MEIS2: variants seen among roughly 807,000 people sequenced by gnomAD.
MEIS2 encodes the protein Meis homeobox 2.
MEIS2 carries 9 observed loss-of-function variants against 58.6 expected under a neutral mutation model. The ratio of observed to expected loss-of-function variants is 0.15; its 90% confidence interval spans 0.09 to 0.27. MEIS2 has a LOEUF of 0.27. Ranked by LOEUF, MEIS2 falls within the 10% of genes least tolerant of loss-of-function variation. MEIS2 has a pLI of 1.00. For missense variants in MEIS2, 427 were observed against 635.0 expected (o/e 0.67, Z 3.52); for synonymous variants, 221 against 228.4 (o/e 0.97, Z 0.29).
At position 37,099,327 on chromosome 15, in the gene MEIS2, T is replaced by G. The variant is rs571679232; in HGVS notation, c.12+128A>C. 53 of 1,559,410 alleles carry G rather than the reference T, an allele frequency of 3.4e-5. No homozygotes were observed. The South Asian group carries it at 4.5e-4, about 13-fold the overall frequency. On this transcript the variant is annotated intron_variant, in intron 1 of 11. Coordinates refer to ENST00000561208, the MANE Select transcript of MEIS2 (RefSeq NM_170675.5). ...AGCCGATGAATAATTTTGCTATTTTTTAAAATACTGGCCGCCATCATCAAG... is the reference window on the plus strand; with the variant it reads ...AGCCGATGAATAATTTTGCTATTTTGTAAAATACTGGCCGCCATCATCAAG...
At chr15:37,047,176 A>G (rs1389819320) in intron 7 of MEIS2, among the ~76,000 whole-genome samples, 1 of 152,174 alleles carries the variant, frequency 6.6e-6, no homozygotes, top group East Asian at 1.9e-4. Context: ...GATCTCTCAA[A>G]TGCCCTTTTC....
chr15:36,981,491 T>C (rs114849254), intron 8 of MEIS2, among the ~76,000 whole-genome samples: 1,733 of 152,252 alleles, frequency 0.011, 31 homozygotes, highest in African/African-American at 0.039. Context: ...AGCTCCTTAT[T>C]TATAGGGAGA....
At chr15:37,040,737 C>T (rs189077503) in intron 7 of MEIS2, among the ~76,000 whole-genome samples, 1 of 152,190 alleles carries the variant, frequency 6.6e-6, no homozygotes, top group East Asian at 1.9e-4. Flanking sequence ...TTGTGTGTGA[C>T]CATGGAAAGG....
intron 8 of MEIS2, among the ~76,000 whole-genome samples, chr15:36,956,290 A>C (rs756220609): frequency 4.6e-5 from 7 of 152,190 alleles, no homozygotes; most frequent in Non-Finnish European, 1.0e-4. Flanking sequence ...CAAGGCTTAA[A>C]TAATCTACAT....
chr15:37,089,677 A>T (rs193242953), intron 6 of MEIS2, among the ~76,000 whole-genome samples: 9 of 152,184 alleles, frequency 5.9e-5, no homozygotes, highest in African/African-American at 1.9e-4. Context: ...CAAATAAAAT[A>T]AAAATGTAGC....
intron 7 of MEIS2, among the ~76,000 whole-genome samples, chr15:37,080,411 G>A (rs1030667865): frequency 3.9e-5 from 6 of 152,076 alleles, no homozygotes; most frequent in Non-Finnish European, 5.9e-5. Flanking sequence ...TCCCATCAGC[G>A]TTAATGGGAG....
intron 9 of MEIS2, among the ~76,000 whole-genome samples, chr15:36,902,458 C>T (rs183162476): frequency 2.8e-4 from 42 of 152,350 alleles, no homozygotes; most frequent in Non-Finnish European, 1.8e-4. Flanking sequence ...ATCACACTCT[C>T]TGTATGGTTC....
intron 7 of MEIS2, among the ~76,000 whole-genome samples, chr15:37,053,497 G>T (rs911910200): frequency 1.3e-5 from 2 of 152,056 alleles, no homozygotes; most frequent in African/African-American, 4.8e-5. Flanking sequence ...ATAACTGTCC[G>T]ATTTACCTTA....
At chr15:37,078,148 C>T (rs73395442) in intron 7 of MEIS2, among the ~76,000 whole-genome samples, 1,707 of 152,036 alleles carry the variant, frequency 0.011, 39 homozygotes, top group African/African-American at 0.039. Flanking sequence ...AACATGGCTT[C>T]TGCATTGAAC....
At chr15:36,975,469 G>GTT (rs71126248) in intron 8 of MEIS2, among the ~76,000 whole-genome samples, 77,114 of 135,232 alleles carry the variant, frequency 0.57, 22,199 homozygotes, top group Non-Finnish European at 0.61. Context: ...AAAAATAAGG[G>GTT]TTTTTTTTTT....
intron 7 of MEIS2, among the ~76,000 whole-genome samples, chr15:37,054,530 C>T (rs1273850748): frequency 6.6e-6 from 1 of 152,210 alleles, no homozygotes; most frequent in Non-Finnish European, 1.5e-5. Context: ...GATCCACCCA[C>T]CTCAGCCCCC....
intron 7 of MEIS2, among the ~76,000 whole-genome samples, chr15:37,047,118 T>C (rs1007339937): frequency 6.6e-6 from 1 of 152,176 alleles, no homozygotes; most frequent in Non-Finnish European, 1.5e-5. Context: ...TTATTCACAG[T>C]ACATCATAAT....
At chr15:37,066,518 G>A (rs1889950462) in intron 7 of MEIS2, 1 of 152,166 alleles carries the variant, frequency 6.6e-6, no homozygotes, top group Non-Finnish European at 1.5e-5. Flanking sequence ...TCTGGAAAAT[G>A]GGGATAAATC....
intron 7 of MEIS2, among the ~76,000 whole-genome samples, chr15:37,044,940 T>C (rs2062599784): frequency 6.6e-6 from 1 of 152,174 alleles, no homozygotes; most frequent in Non-Finnish European, 1.5e-5. Context: ...AATTAGAACC[T>C]GATGAGAACA....
chr15:37,101,082 G>C (rs1224772364), upstream of MEIS2: 1 of 151,886 alleles, frequency 6.6e-6, no homozygotes, highest in African/African-American at 2.4e-5. Context: ...TACCACTGCC[G>C]GGCTAAATTT....
chr15:37,041,037 G>C (rs2062400675), intron 7 of MEIS2, among the ~76,000 whole-genome samples: 1 of 152,204 alleles, frequency 6.6e-6, no homozygotes, highest in African/African-American at 2.4e-5. Flanking sequence ...TCCCATGAAT[G>C]AGGTTAGCAG....
At chr15:37,094,679 G>T (rs1893977670) in intron 4 of MEIS2, 102 bp from the exon 5 acceptor site, 4 of 926,216 alleles carry the variant, frequency 4.3e-6, no homozygotes, top group East Asian at 2.5e-5. Context: ...AGTTGGGCTG[G>T]GGAGAAGAAA....
intron 6 of MEIS2, among the ~76,000 whole-genome samples, chr15:37,092,246 T>C (rs1308925647): frequency 1.3e-5 from 2 of 152,242 alleles, no homozygotes; most frequent in Admixed American, 6.5e-5. Flanking sequence ...CTAACTTTTG[T>C]TCTTAGGCTG....
At chr15:36,990,570 A>T (rs879282434) in intron 8 of MEIS2, among the ~76,000 whole-genome samples, 1 of 152,206 alleles carries the variant, frequency 6.6e-6, no homozygotes, top group Non-Finnish European at 1.5e-5. Context: ...TATCAAAAGA[A>T]CTAGTCAAAA....
Sources: gnomAD v4.1 joint callset for allele counts (sites outside exome capture counted in the v4.1 genomes callset) on GRCh38, gnomAD v4.1.1 for gene constraint, MANE v1.5 for transcripts, NCBI Gene and HGNC (gene_info 2026-07-23, HGNC 2026-07-21) for gene names.